Variants in CHRM3 observed in about 807,000 individuals in gnomAD.
CHRM3 encodes the protein cholinergic receptor muscarinic 3.
In CHRM3, 11 loss-of-function variants were observed where a neutral mutation model predicts 41.8. The ratio of observed to expected loss-of-function variants is 0.26; its 90% CI spans 0.17 to 0.44. The LOEUF is 0.44. CHRM3 is among the 20% of genes least tolerant of loss of function. CHRM3 has a pLI of 1.00. For synonymous variants in CHRM3, 297 were observed against 301.4 expected (o/e 0.99, Z 0.15); for missense variants, 571 against 745.4 (o/e 0.77, Z 2.72).
intron 1 of CHRM3, among the ~76,000 whole-genome samples, chr1:239,491,392 TC>T (rs1667545400): frequency 6.6e-6 from 1 of 152,200 alleles, no homozygotes; most frequent in South Asian, 2.1e-4. Flanking sequence ...ATTCTATAGG[TC>T]TAAGAGATTA....
At chr1:239,515,051 T>G (rs2148223092) in intron 2 of CHRM3, among the ~76,000 whole-genome samples, 1 of 152,242 alleles carries the variant, frequency 6.6e-6, no homozygotes, top group Middle Eastern at 3.4e-3. Flanking sequence ...TTTGTAGAAA[T>G]AACAGAAATA....
chr1:239,711,116 G>A (rs1264901972), intron 5 of CHRM3, among the ~76,000 whole-genome samples: 2 of 152,114 alleles, frequency 1.3e-5, no homozygotes, highest in African/African-American at 4.8e-5. Flanking sequence ...AGCTGCAGTG[G>A]CACAGATGAG....
At chr1:239,833,349 G>C (rs1163858025) in intron 6 of CHRM3, among the ~76,000 whole-genome samples, 1 of 152,180 alleles carries the variant, frequency 6.6e-6, no homozygotes, top group Non-Finnish European at 1.5e-5. Flanking sequence ...CTATGACTAG[G>C]ATGAATATAG....
chr1:239,643,567 C>T (rs545094535), intron 4 of CHRM3, among the ~76,000 whole-genome samples: 4 of 152,302 alleles, frequency 2.6e-5, no homozygotes, highest in Non-Finnish European at 4.4e-5. Flanking sequence ...TAGGACCCTC[C>T]GAGCCAGGTG....
intron 6 of CHRM3, among the ~76,000 whole-genome samples, chr1:239,895,966 C>T (rs563996679): frequency 5.3e-5 from 8 of 152,310 alleles, no homozygotes; most frequent in African/African-American, 9.6e-5. Context: ...CCCTGAACCT[C>T]GAGGTTAAAA....
chr1:239,766,726 C>CT (rs2148695134), intron 5 of CHRM3, among the ~76,000 whole-genome samples: 1 of 124,180 alleles, frequency 8.1e-6, no homozygotes, highest in African/African-American at 3.4e-5. Flanking sequence ...TATAATTTTT[C>CT]TTTGAGACAG....
intron 3 of CHRM3, among the ~76,000 whole-genome samples, chr1:239,569,491 A>G (rs552255103): frequency 6.6e-6 from 1 of 152,342 alleles, no homozygotes; most frequent in Non-Finnish European, 1.5e-5. Context: ...ACAAATTAGT[A>G]GGAAATACAT....
At chr1:239,552,157 T>G (rs1284563941) in intron 3 of CHRM3, among the ~76,000 whole-genome samples, 1 of 148,896 alleles carries the variant, frequency 6.7e-6, no homozygotes, top group East Asian at 1.9e-4. Flanking sequence ...TATATATTTA[T>G]TATATTATGA....
chr1:239,666,095 C>G (rs922854462), intron 4 of CHRM3, among the ~76,000 whole-genome samples: 4 of 152,122 alleles, frequency 2.6e-5, no homozygotes, highest in Non-Finnish European at 5.9e-5. Flanking sequence ...AATCACCACA[C>G]TGTCTTCCAC....
At chr1:239,816,216 G>A (rs1671570163) in intron 5 of CHRM3, among the ~76,000 whole-genome samples, 1 of 152,256 alleles carries the variant, frequency 6.6e-6, no homozygotes, top group Non-Finnish European at 1.5e-5. Context: ...GGTGCTTTGC[G>A]ATTGATGGCT....
intron 5 of CHRM3, among the ~76,000 whole-genome samples, chr1:239,814,737 T>G (rs1241684262): frequency 6.6e-6 from 1 of 152,128 alleles, no homozygotes; most frequent in Non-Finnish European, 1.5e-5. Context: ...AGGTCAGTGA[T>G]TTTTCCTGTT....
At chr1:239,495,194 G>A (rs912412333) in intron 2 of CHRM3, among the ~76,000 whole-genome samples, 8 of 152,004 alleles carry the variant, frequency 5.3e-5, no homozygotes, top group African/African-American at 1.5e-4. Context: ...TGGTTGCTTC[G>A]AATATTGTAA....
Position 239,397,145 on chromosome 1 carries a change from A to G in CHRM3, c.-521+9918A>G, listed in dbSNP as rs555516764. ...ATGTTGAGTGATGAACTGCGGGTGAAGTAGTAATCATTTATCTTTGATGAC... is the reference window on the plus strand; with the variant it reads ...ATGTTGAGTGATGAACTGCGGGTGAGGTAGTAATCATTTATCTTTGATGAC... On this transcript the variant is annotated intron_variant, in intron 1 of 6. Transcript: ENST00000676153. Among the ~76,000 whole-genome samples, 19 of 152,318 alleles carry G rather than the reference A, an allele frequency of 1.2e-4. No individual in the cohort carries two copies. In the East Asian group the frequency reaches 3.5e-3, roughly 28 times the overall value.
chr1:239,600,855 C>A (rs1222011245), intron 3 of CHRM3, among the ~76,000 whole-genome samples: 1 of 151,478 alleles, frequency 6.6e-6, no homozygotes, highest in East Asian at 2.0e-4. Flanking sequence ...TTCTTTCTTT[C>A]ATTCATTCCT....
intron 6 of CHRM3, among the ~76,000 whole-genome samples, chr1:239,834,735 A>G (rs926555130): frequency 1.7e-4 from 26 of 152,152 alleles, no homozygotes; most frequent in Admixed American, 1.6e-3. Flanking sequence ...ATACAGTAGC[A>G]TGGCTTACTG....
intron 1 of CHRM3, among the ~76,000 whole-genome samples, chr1:239,408,958 T>C (rs1264218324): frequency 6.6e-6 from 1 of 152,170 alleles, no homozygotes; most frequent in Non-Finnish European, 1.5e-5. Flanking sequence ...GACACTTCAC[T>C]TTTTACATTA....
In CHRM3 at chr1:239,909,009, T is replaced by C; in HGVS notation, c.1558T>C (p.Cys520Arg). Residue 520 changes from cysteine (C) to arginine (R), a missense_variant, in exon 7 of 7, where the codon TGC becomes CGC. Physicochemically the swap from Cys to Arg is radical, Grantham distance 180. Coordinates refer to ENST00000676153, the MANE Select transcript of CHRM3 (RefSeq NM_001375978.1). The stretch of plus-strand genomic sequence containing the variant: ...TCTGGTGAACACCTTTTGTGACAGC[T>C]GCATACCCAAAACCTTTTGGAATCT... ...MVLVNTFCDSCIPKTFWNLGY... is the reference protein window; with the variant it reads ...MVLVNTFCDSRIPKTFWNLGY... 1.2e-6 allele frequency: 2 copies of C among 1,614,176 alleles called. No homozygotes were observed. Among genetic ancestry groups the C allele is most frequent in the Non-Finnish European group, 1.7e-6 (2 of 1,180,046 alleles).
chr1:239,739,296 G>A (rs756277659), intron 5 of CHRM3, among the ~76,000 whole-genome samples: 17 of 152,270 alleles, frequency 1.1e-4, no homozygotes, highest in Non-Finnish European at 1.9e-4. Context: ...TGTGCTTGCC[G>A]GGGCTATTAA....
At position 239,487,870 on chromosome 1, in the gene CHRM3, C is replaced by A. The variant is rs868492466; in HGVS notation, c.-520-4839C>A. On this transcript the variant is annotated intron_variant, in intron 1 of 6. Transcript: ENST00000676153. The stretch of plus-strand genomic sequence containing the variant: ...GGGTAATATTTGCAAAAAAAAAAAA[C>A]AAAACACAAAGACAAAAAAAAGAAA... 7.0e-3 allele frequency among the ~76,000 whole-genome samples: 909 copies of A among 129,764 alleles called. 2 individuals are homozygous for A. The highest frequency in any genetic ancestry group is 0.01 in the Non-Finnish European group (617 of 59,212). The allele number at this position is 129,764 out of a possible 152,430, so 85.1% of individuals were successfully genotyped here.
Sources: allele counts gnomAD v4.1 joint callset (sites outside exome capture counted in the v4.1 genomes callset), GRCh38; gene constraint gnomAD v4.1.1; transcripts MANE v1.5; gene names NCBI Gene and HGNC (gene_info 2026-07-23, HGNC 2026-07-21).